PTPRZ1: variants seen among roughly 807,000 people sequenced by gnomAD.
PTPRZ1 encodes protein tyrosine phosphatase receptor type Z1.
A neutral mutation model predicts 214.1 loss-of-function variants in PTPRZ1; 82 were observed. The observed-to-expected ratio is 0.38, with a 90% CI of 0.32 to 0.46. PTPRZ1 has a LOEUF of 0.46. Ranked by LOEUF, PTPRZ1 falls within the 20% of genes least tolerant of loss-of-function variation. The probability of loss-of-function intolerance (pLI) is 1.00; values close to 1 mark genes in which losing one functional copy is unlikely to be tolerated. For missense variants in PTPRZ1, 2,603 were observed against 2,748.7 expected, an observed-to-expected ratio of 0.95 and a Z score of 1.19; for synonymous variants, 945 against 987.9, an observed-to-expected ratio of 0.96 and a Z score of 0.81.
intron 15 of PTPRZ1, among the ~76,000 whole-genome samples, chr7:122,033,706 A>G (rs186038095): frequency 8.5e-5 from 13 of 152,258 alleles, no homozygotes; most frequent in Admixed American, 7.8e-4. Context: ...ACAAAAAAGC[A>G]CATCACTAAT....
At position 122,013,418 on chromosome 7, in the gene PTPRZ1, G is replaced by C; in HGVS notation, c.4372G>C (p.Asp1458His). 1.2e-6 allele frequency: 2 copies of C among 1,614,150 alleles called. No individual in the cohort carries two copies. The highest frequency in any genetic ancestry group is 1.7e-6 in the Non-Finnish European group (2 of 1,180,034). ...YRESQEKVMN[D>H]SDTHENSLMD... Reference sequence around the variant, plus strand: ...AGAATCACAGGAAAAGGTAATGAATGATTCAGACACCCACGAAAACAGTCT... The same window carrying C: ...AGAATCACAGGAAAAGGTAATGAATCATTCAGACACCCACGAAAACAGTCT... The change falls in exon 12 of 30, where the codon GAT (aspartate) becomes CAT (histidine). Residue 1458 changes from aspartate to histidine, a missense_variant. Coordinates refer to ENST00000393386, the MANE Select transcript of PTPRZ1 (RefSeq NM_002851.3).
chr7:122,038,159 C>T (rs944388252), intron 18 of PTPRZ1, among the ~76,000 whole-genome samples: 5 of 152,104 alleles, frequency 3.3e-5, no homozygotes, highest in African/African-American at 1.2e-4. Flanking sequence ...CCACCTGGTT[C>T]CTCCCACAAC....
At chr7:121,922,704 C>T (rs907226974) in intron 1 of PTPRZ1, among the ~76,000 whole-genome samples, 21 of 152,172 alleles carry the variant, frequency 1.4e-4, no homozygotes, top group African/African-American at 4.3e-4. Context: ...TTTATCAATG[C>T]CACTTCAGTC....
chr7:121,914,939 T>C lies in PTPRZ1; in HGVS notation c.59-13217T>C, dbSNP rs1212935051. On this transcript the variant is annotated intron_variant, in intron 1 of 29. Transcript: ENST00000393386. ...TGTTACGTCTACAATTACTGCTAAG[T>C]TTCCCGTAAGTAATTTGGGGGACTG... Among the ~76,000 whole-genome samples, 4 of 152,154 alleles carry C rather than the reference T, an allele frequency of 2.6e-5. No individual in the cohort carries two copies. The East Asian group carries it at 5.8e-4, about 22-fold the overall frequency.
intron 27 of PTPRZ1, among the ~76,000 whole-genome samples, chr7:122,057,818 C>T (rs994864263): frequency 1.3e-5 from 2 of 151,586 alleles, no homozygotes; most frequent in Non-Finnish European, 3.0e-5. Flanking sequence ...GTTTTCCAAA[C>T]GTACCACCTG....
chr7:121,988,136 C>G (rs1237033431), intron 8 of PTPRZ1, among the ~76,000 whole-genome samples: 1 of 152,114 alleles, frequency 6.6e-6, no homozygotes, highest in African/African-American at 2.4e-5. Flanking sequence ...TGTAACAAAC[C>G]TGCATATGTG....
intron 2 of PTPRZ1, among the ~76,000 whole-genome samples, chr7:121,963,924 C>T (rs547608399): frequency 5.4e-5 from 8 of 149,502 alleles, no homozygotes; most frequent in South Asian, 4.2e-4. Flanking sequence ...GGTGTCATTG[C>T]GCTATATGTT....
At chr7:121,980,395 A>G (rs1797568883) in intron 6 of PTPRZ1, among the ~76,000 whole-genome samples, 1 of 151,772 alleles carries the variant, frequency 6.6e-6, no homozygotes, top group East Asian at 1.9e-4. Flanking sequence ...TTCACAGATT[A>G]AAAAAAAATA....
chr7:122,017,978 A>C (rs1798895414), intron 12 of PTPRZ1, among the ~76,000 whole-genome samples: 1 of 152,086 alleles, frequency 6.6e-6, no homozygotes, highest in Non-Finnish European at 1.5e-5. Context: ...CTCCAATTAG[A>C]TATATTTTAA....
At chr7:121,960,944 T>A (rs1454527370) in intron 2 of PTPRZ1, among the ~76,000 whole-genome samples, 1 of 147,344 alleles carries the variant, frequency 6.8e-6, no homozygotes, top group Non-Finnish European at 1.5e-5. Context: ...ACTGAAGCAT[T>A]TTTTTTTTTT....
intron 2 of PTPRZ1, among the ~76,000 whole-genome samples, chr7:121,963,481 T>C (rs1199097313): frequency 6.6e-6 from 1 of 152,052 alleles, no homozygotes; most frequent in East Asian, 1.9e-4. Flanking sequence ...TAAAAGATGA[T>C]TCATAAGGAG....
intron 14 of PTPRZ1, among the ~76,000 whole-genome samples, chr7:122,029,306 A>G (rs1375417922): frequency 6.6e-6 from 1 of 152,032 alleles, no homozygotes. Context: ...TTTGATAGAG[A>G]CATCCATTAA....
At chr7:122,038,241 A>G (rs1169674856) in intron 18 of PTPRZ1, among the ~76,000 whole-genome samples, 6 of 152,172 alleles carry the variant, frequency 3.9e-5, no homozygotes, top group East Asian at 1.9e-4. Context: ...TATTATGCCC[A>G]TAAAACATCT....
rs552904727 is a variant in PTPRZ1 at position 121,921,364 on chromosome 7, A to C, written c.59-6792A>C. On this transcript the variant is annotated intron_variant, in intron 1 of 29. Coordinates refer to ENST00000393386, the MANE Select transcript of PTPRZ1 (RefSeq NM_002851.3). ...CATAAAATCTAATTGCTCACCTTTG[A>C]GACTCTCCTTGGTCCTGTGAGACAT... Among the ~76,000 whole-genome samples the C allele has an allele frequency of 1.2e-4, 19 of 152,264 alleles. No individual in the cohort carries two copies. The South Asian group carries it at 3.7e-3, about 30-fold the overall frequency.
chr7:122,024,079 C>G (rs1044198806), intron 13 of PTPRZ1, among the ~76,000 whole-genome samples: 2 of 151,734 alleles, frequency 1.3e-5, no homozygotes, highest in Non-Finnish European at 2.9e-5. Context: ...TGAAGACATT[C>G]ACTGCTTATA....
chr7:122,031,444 C>A, intron 14 of PTPRZ1, 30 bp from the exon 15 acceptor site: 2 of 1,505,114 alleles, frequency 1.3e-6, no homozygotes, highest in Non-Finnish European at 1.8e-6. Flanking sequence ...TTAAATTATG[C>A]TCTCTAACAC....
intron 12 of PTPRZ1, among the ~76,000 whole-genome samples, chr7:122,015,408 G>A (rs1039670309): frequency 1.3e-5 from 2 of 152,004 alleles, no homozygotes; most frequent in African/African-American, 2.4e-5. Flanking sequence ...CAGTGCAGCA[G>A]CAATTAAAAG....
At chr7:121,999,537 A>T (rs1798259116) in intron 10 of PTPRZ1, among the ~76,000 whole-genome samples, 1 of 152,196 alleles carries the variant, frequency 6.6e-6, no homozygotes, top group African/African-American at 2.4e-5. Context: ...ATGCATTTTG[A>T]GTATGAAGTA....
chr7:121,915,907 TAGAG>T (rs1293295145), intron 1 of PTPRZ1, among the ~76,000 whole-genome samples: 3 of 152,144 alleles, frequency 2.0e-5, no homozygotes, highest in African/African-American at 4.8e-5. Context: ...TTCCTAGACT[TAGAG>T]AGAAACATTG....
Sources: allele counts gnomAD v4.1 joint callset (sites outside exome capture counted in the v4.1 genomes callset), GRCh38; gene constraint gnomAD v4.1.1; transcripts MANE v1.5; gene names NCBI Gene and HGNC (gene_info 2026-07-23, HGNC 2026-07-21).